The following MAOB variants were observed in gnomAD, a reference collection of about 807,000 sequenced individuals.
MAOB encodes the protein monoamine oxidase B, also known as amine oxidase [flavin-containing] B.
A neutral mutation model predicts 41.9 loss-of-function variants in MAOB; 15 were observed. The observed-to-expected ratio is 0.36, with a 90% confidence interval of 0.24 to 0.55. The LOEUF is 0.55. MAOB is among the 20% of genes least tolerant of loss of function. MAOB has a pLI of 0.86. For missense variants in MAOB, 345 were observed against 398.7 expected, an observed-to-expected ratio of 0.87 and a Z score of 1.15; for synonymous variants, 167 against 144.2, an observed-to-expected ratio of 1.16 and a Z score of -1.13.
chrX:43,838,834 T>G, intron 3 of MAOB, 34 bp downstream of exon 3: 2 of 1,143,086 alleles, frequency 1.7e-6, no homozygotes, highest in Non-Finnish European at 2.3e-6. Context: ...CATAGAGAAG[T>G]TTTCAAATCC....
At chrX:43,780,431 A>G (rs578166334) in intron 9 of MAOB, 36 bp from the exon 10 acceptor site, 1 of 1,073,591 alleles carries the variant, frequency 9.3e-7, no homozygotes. Context: ...GGAGAAATTA[A>G]TGGTTGGTTT....
At chrX:43,842,487 G>C (rs757739867) in intron 2 of MAOB, among the ~76,000 whole-genome samples, 4 of 112,603 alleles carry the variant, frequency 3.6e-5, no homozygotes, top group African/African-American at 6.5e-5. Flanking sequence ...AGCTATTACA[G>C]AAAACAGTAT....
intron 3 of MAOB, among the ~76,000 whole-genome samples, chrX:43,808,666 CTA>C (rs577242147): frequency 9.9e-6 from 1 of 100,688 alleles, no homozygotes; most frequent in South Asian, 4.5e-4. Flanking sequence ...ATATCTATAT[CTA>C]TATCTATATC....
At chrX:43,845,938 T>C (rs2035197961) in intron 1 of MAOB, among the ~76,000 whole-genome samples, 1 of 111,966 alleles carries the variant, frequency 8.9e-6, no homozygotes, top group Non-Finnish European at 1.9e-5. Flanking sequence ...GAGCCAATGC[T>C]TCCAGTTGCT....
At chrX:43,866,812 C>T (rs150632516) in intron 1 of MAOB, among the ~76,000 whole-genome samples, 1,950 of 112,617 alleles carry the variant, frequency 0.017, 38 homozygotes, top group African/African-American at 0.059. Context: ...CTGGGAACTA[C>T]AGTGGTCCAC....
At chrX:43,855,087 G>A (rs1322005985) in intron 1 of MAOB, among the ~76,000 whole-genome samples, 2 of 111,530 alleles carry the variant, frequency 1.8e-5, no homozygotes, top group South Asian at 7.7e-4. Flanking sequence ...CCCAGACCAG[G>A]TAGGATGAAA....
At chrX:43,805,444 C>T (rs1258124942) in intron 3 of MAOB, among the ~76,000 whole-genome samples, 1 of 111,617 alleles carries the variant, frequency 9.0e-6, no homozygotes, top group Non-Finnish European at 1.9e-5. Context: ...TTTCCCCTTC[C>T]TAGACAATCC....
At chrX:43,795,364 G>A (rs1413713376) in intron 7 of MAOB, among the ~76,000 whole-genome samples, 2 of 112,114 alleles carry the variant, frequency 1.8e-5, no homozygotes, top group Non-Finnish European at 3.8e-5. Flanking sequence ...GCCCTCCCCA[G>A]GCATGCCATT....
At chrX:43,860,837 C>T (rs2035326931) in intron 1 of MAOB, among the ~76,000 whole-genome samples, 1 of 111,045 alleles carries the variant, frequency 9.0e-6, no homozygotes, top group Non-Finnish European at 1.9e-5. Flanking sequence ...CTTTCTGTTC[C>T]TTGAAAATGC....
chrX:43,797,262 C>A lies in MAOB; in HGVS notation c.481G>T (p.Ala161Ser), dbSNP rs143909840. The change falls in exon 6 of 15, where the codon GCA (alanine) becomes TCA (serine). Residue 161 changes from alanine (A) to serine (S), a missense_variant. Coordinates refer to ENST00000378069, the MANE Select transcript of MAOB (RefSeq NM_000898.5). ...LLDKLCWTES[A>S]KQLATLFVNL... ...ACAAAGAGAGTGGCAAGCTGCTTTGCAGATCTGCACAGGAAGAAACAAGAG... is the reference window on the plus strand; with the variant it reads ...ACAAAGAGAGTGGCAAGCTGCTTTGAAGATCTGCACAGGAAGAAACAAGAG... 139 of 1,176,334 alleles carry A rather than the reference C, an allele frequency of 1.2e-4. No homozygotes were observed. Among genetic ancestry groups the A allele is most frequent in the Middle Eastern group, 4.7e-4 (2 of 4,226 alleles).
chrX:43,841,176 TA>T (rs1244195880), intron 2 of MAOB, among the ~76,000 whole-genome samples: 1 of 111,990 alleles, frequency 8.9e-6, no homozygotes, highest in African/African-American at 3.2e-5. Context: ...GTAGCTTCTA[TA>T]TCTATTATTC....
Position 43,851,575 on chromosome X carries a change from T to G in MAOB, c.47-7811A>C, listed in dbSNP as rs2035252687. Among the ~76,000 whole-genome samples, 3 of 111,803 alleles carry G rather than the reference T, an allele frequency of 2.7e-5. No homozygotes were observed. In the Admixed American group the frequency reaches 2.9e-4, roughly 11 times the overall value. On this transcript the variant is annotated intron_variant, in intron 1 of 14. Coordinates refer to ENST00000378069, the MANE Select transcript of MAOB (RefSeq NM_000898.5). ...CCCTCCTACGGATTACCAACACAAT[T>G]TTTAGAATCACAAGCATCTTTAAGG...
chrX:43,845,138 A>T (rs912769009), intron 1 of MAOB, among the ~76,000 whole-genome samples: 1 of 110,532 alleles, frequency 9.0e-6, no homozygotes. Flanking sequence ...AAAATACTGT[A>T]TTTTTTTTTA....
At chrX:43,872,221 C>T (rs1490804225) in intron 1 of MAOB, among the ~76,000 whole-genome samples, 1 of 111,586 alleles carries the variant, frequency 9.0e-6, no homozygotes, top group Non-Finnish European at 1.9e-5. Flanking sequence ...GTAGTAATTG[C>T]AAAAAACAGC....
intron 3 of MAOB, among the ~76,000 whole-genome samples, chrX:43,806,967 T>C (rs2034670859): frequency 1.8e-5 from 2 of 111,632 alleles, no homozygotes; most frequent in African/African-American, 6.5e-5. Flanking sequence ...TTCTCCAGAC[T>C]CATCTTCTAT....
chrX:43,878,623 T>A (rs1403336990), intron 1 of MAOB, among the ~76,000 whole-genome samples: 1 of 111,714 alleles, frequency 9.0e-6, no homozygotes, highest in Non-Finnish European at 1.9e-5. Flanking sequence ...ATAATTATTA[T>A]TTTTTAGGAC....
intron 11 of MAOB, among the ~76,000 whole-genome samples, chrX:43,776,026 C>A (rs1278107714): frequency 8.9e-6 from 1 of 112,252 alleles, no homozygotes; most frequent in Non-Finnish European, 1.9e-5. Flanking sequence ...ATTTGTAAGG[C>A]ATCCTATTTA....
Position 43,856,401 on chromosome X carries a change from C to G in MAOB, c.47-12637G>C, listed in dbSNP as rs190541772. ...ACCTGGCCCCTCAACTATTTTAATT[C>G]TGATAAAAGAACCTGCTGAAATCCT... is the stretch of plus-strand genomic sequence containing the variant. On this transcript the variant is annotated intron_variant, in intron 1 of 14. Coordinates refer to ENST00000378069, the MANE Select transcript of MAOB (RefSeq NM_000898.5). 2.7e-5 allele frequency among the ~76,000 whole-genome samples: 3 copies of G among 112,182 alleles called. No individual in the cohort carries two copies. The East Asian group carries it at 8.4e-4, about 31-fold the overall frequency.
At chrX:43,802,816 A>C in intron 4 of MAOB, among the ~76,000 whole-genome samples, 1 of 110,542 alleles carries the variant, frequency 9.0e-6, no homozygotes, top group Non-Finnish European at 1.9e-5. Flanking sequence ...CATTAGGACA[A>C]ATACCTAATG....
Sources: gnomAD v4.1 joint callset for allele counts (sites outside exome capture counted in the v4.1 genomes callset) on GRCh38, gnomAD v4.1.1 for gene constraint, MANE v1.5 for transcripts, NCBI Gene and HGNC (gene_info 2026-07-23, HGNC 2026-07-21) for gene names.